Variants in RB1 observed in about 807,000 individuals in gnomAD.
RB1 encodes RB transcriptional corepressor 1, also known as retinoblastoma-associated protein.
Under a neutral mutation model 135.4 loss-of-function variants are expected in RB1, and 18 were observed. The observed-to-expected ratio is 0.13, with a 90% CI of 0.09 to 0.20. The LOEUF is 0.20. RB1 is among the 10% of genes least tolerant of loss of function. RB1 has a pLI of 1.00. For missense variants in RB1, 868 were observed against 1,110.0 expected, an observed-to-expected ratio of 0.78 and a Z score of 3.10; for synonymous variants, 365 against 373.2, an observed-to-expected ratio of 0.98 and a Z score of 0.25.
chr13:48,420,889 CACAA>C (rs534967615), intron 17 of RB1, among the ~76,000 whole-genome samples: 1 of 152,070 alleles, frequency 6.6e-6, no homozygotes, highest in Non-Finnish European at 1.5e-5. Flanking sequence ...ATAAAGAGGA[CACAA>C]ACAAATGGAA....
intron 17 of RB1, among the ~76,000 whole-genome samples, chr13:48,396,605 A>G (rs1276063618): frequency 6.6e-6 from 1 of 152,244 alleles, no homozygotes; most frequent in African/African-American, 2.4e-5. Context: ...TTCATGACCA[A>G]AACACCAAAA....
intron 17 of RB1, among the ~76,000 whole-genome samples, chr13:48,443,002 T>G (rs1428447288): frequency 1.3e-5 from 2 of 152,092 alleles, no homozygotes. Flanking sequence ...GACCAAGATA[T>G]CAATTAATAA....
chr13:48,384,994 A>G (rs538652574), intron 17 of RB1, among the ~76,000 whole-genome samples: 1 of 152,244 alleles, frequency 6.6e-6, no homozygotes, highest in Non-Finnish European at 1.5e-5. Context: ...GTTTGGCCCT[A>G]TTAAATCTGT....
chr13:48,423,613 C>A (rs868217251), intron 17 of RB1, among the ~76,000 whole-genome samples: 1 of 152,190 alleles, frequency 6.6e-6, no homozygotes, highest in Admixed American at 6.5e-5. Context: ...TTAAAGAATT[C>A]TCTCATTAAA....
chr13:48,340,362 A>G (rs1952431437), intron 2 of RB1, among the ~76,000 whole-genome samples: 1 of 152,310 alleles, frequency 6.6e-6, no homozygotes, highest in Admixed American at 6.5e-5. Flanking sequence ...TGCATCTGAA[A>G]TAAAGGTTAC....
rs752607904 is a variant in RB1, at chr13:48,465,375, G to A, written c.2489+7G>A. Reference sequence around the variant, plus strand: ...AAATGACTCCAAGATCAAGGTGTGTGTTTTCTCTTTAGGGAAGTAGTAAAG... The same window carrying A: ...AAATGACTCCAAGATCAAGGTGTGTATTTTCTCTTTAGGGAAGTAGTAAAG... On this transcript the variant is annotated splice_region_variant and intron_variant, in intron 23 of 26. Transcript: ENST00000267163. 6.3e-7 allele frequency: 1 copy of A among 1,590,460 alleles called. No individual in the cohort carries two copies. Among genetic ancestry groups the A allele is most frequent in the East Asian group, 2.2e-5 (1 of 44,752 alleles).
chr13:48,345,256 T>A (rs1952482574), intron 4 of RB1, 57 bp downstream of exon 4: 3 of 1,559,176 alleles, frequency 1.9e-6, no homozygotes, highest in Non-Finnish European at 2.6e-6. Context: ...TTGTTCACAA[T>A]TAGATTCTGG....
Position 48,478,526 on chromosome 13 carries a change from G to A in RB1, c.2713+1122G>A, listed in dbSNP as rs573529266. On this transcript the variant is annotated intron_variant, in intron 26 of 26. Coordinates refer to ENST00000267163, the MANE Select transcript of RB1 (RefSeq NM_000321.3). ...GAACCCACAAATATGCACTTAAAAA[G>A]GAGCTGAAAGCTGTAAAAACATGTA... Among the ~76,000 whole-genome samples the A allele has an allele frequency of 4.6e-5, 7 of 152,280 alleles. No individual in the cohort carries two copies. In the East Asian group the frequency reaches 1.2e-3, roughly 25 times the overall value.
At chr13:48,402,870 C>A (rs1011964630) in intron 17 of RB1, among the ~76,000 whole-genome samples, 1 of 151,924 alleles carries the variant, frequency 6.6e-6, no homozygotes, top group Non-Finnish European at 1.5e-5. Context: ...GCAAAAATTA[C>A]CTATATGACA....
chr13:48,438,256 G>A (rs1037216626), intron 17 of RB1, among the ~76,000 whole-genome samples: 2 of 152,074 alleles, frequency 1.3e-5, no homozygotes, highest in African/African-American at 4.8e-5. Context: ...ATCTAACTTA[G>A]TTGTCAAAAC....
intron 17 of RB1, among the ~76,000 whole-genome samples, chr13:48,449,671 C>T (rs1317780366): frequency 1.3e-5 from 2 of 152,116 alleles, no homozygotes; most frequent in Non-Finnish European, 2.9e-5. Context: ...CTGCAGTGAG[C>T]CATGATTGTG....
intron 17 of RB1, among the ~76,000 whole-genome samples, chr13:48,386,041 TA>T (rs59407273): frequency 6.0e-4 from 78 of 130,326 alleles, no homozygotes; most frequent in African/African-American, 1.2e-3. Context: ...CCCCATCTCT[TA>T]AAAAAAAAAA....
Position 48,316,917 on chromosome 13 carries a change from CTG to C in RB1, c.264+9512_264+9513del. Reference sequence around the variant, plus strand: ...CGTGCGCGGAGTGTCGCTGAAGTCACTGGCGTCACTAACCAAGGCGTGCCCGC... The same window carrying C: ...CGTGCGCGGAGTGTCGCTGAAGTCACGCGTCACTAACCAAGGCGTGCCCGC... On this transcript the variant is annotated intron_variant, in intron 2 of 26. Coordinates refer to ENST00000267163, the MANE Select transcript of RB1 (RefSeq NM_000321.3). 8.2e-6 allele frequency: 3 copies of C among 367,862 alleles called. No homozygotes were observed. In the East Asian group the frequency reaches 1.9e-4, roughly 24 times the overall value. 22.8% of individuals were successfully genotyped at this position (367,862 alleles called of 1,614,324 possible).
rs768155412 is a variant in RB1, at chr13:48,481,611, A to G, written c.*1540A>G. 1.1e-4 allele frequency: 25 copies of G among 230,970 alleles called. No individual in the cohort carries two copies. The highest frequency in any genetic ancestry group is 2.5e-3 in the Middle Eastern group (2 of 792). The allele number at this position is 230,970 out of a possible 1,614,324, so 14.3% of individuals were successfully genotyped here. ...ACACTAGAAAACTTGACTCCATTTC[A>G]TCATTGTTTCTGCATGAATATCATA... On this transcript the variant is annotated 3_prime_UTR_variant, in exon 27 of 27. Coordinates refer to ENST00000267163, the MANE Select transcript of RB1 (RefSeq NM_000321.3).
intron 7 of RB1, among the ~76,000 whole-genome samples, chr13:48,361,513 A>C (rs1246753930): frequency 6.6e-6 from 1 of 152,148 alleles, no homozygotes; most frequent in Non-Finnish European, 1.5e-5. Flanking sequence ...TCATCCTTAT[A>C]CATCTCAGTA....
At chr13:48,399,345 A>G (rs1948673190) in intron 17 of RB1, among the ~76,000 whole-genome samples, 3 of 152,046 alleles carry the variant, frequency 2.0e-5, no homozygotes, top group Admixed American at 6.6e-5. Context: ...ATATCTTAGG[A>G]ATAAATATTT....
intron 2 of RB1, among the ~76,000 whole-genome samples, chr13:48,311,000 A>G (rs1017505506): frequency 6.6e-6 from 1 of 152,192 alleles, no homozygotes; most frequent in African/African-American, 2.4e-5. Context: ...AAGGTGAATC[A>G]GCTGTTAGAA....
Position 48,463,746 on chromosome 13 carries a change from A to G in RB1, c.2122A>G (p.Met708Val). ...RHLDQIMMCS[M>V]YGICKVKNID... Reference sequence around the variant, plus strand: ...TATTTACTAGATTATGATGTGTTCCATGTATGGCATATGCAAAGTGAAGAA... The same window carrying G: ...TATTTACTAGATTATGATGTGTTCCGTGTATGGCATATGCAAAGTGAAGAA... Residue 708 changes from methionine (M) to valine (V), a missense_variant, in exon 21 of 27, where the codon ATG (methionine) becomes GTG (valine). This residue lies in a region of RB1 where 31 missense variants were observed against 78.9 expected (regional missense o/e 0.39). Coordinates refer to ENST00000267163, the MANE Select transcript of RB1 (RefSeq NM_000321.3). 1 of 1,563,654 alleles carries G rather than the reference A, an allele frequency of 6.4e-7. No homozygotes were observed. Among genetic ancestry groups the G allele is most frequent in the Non-Finnish European group, 8.8e-7 (1 of 1,134,472 alleles).
chr13:48,304,528 G>A (rs1952061398), intron 1 of RB1, among the ~76,000 whole-genome samples: 1 of 152,168 alleles, frequency 6.6e-6, no homozygotes, highest in Non-Finnish European at 1.5e-5. Context: ...AAGTCCATTT[G>A]TGGGAGAGGC....
Sources: allele counts gnomAD v4.1 joint callset (sites outside exome capture counted in the v4.1 genomes callset), GRCh38; gene constraint gnomAD v4.1.1; regional missense constraint gnomAD v4.1.1; transcripts MANE v1.5; gene names NCBI Gene and HGNC (gene_info 2026-07-23, HGNC 2026-07-21).